Variants in LIPH observed in about 807,000 individuals in gnomAD.
LIPH encodes the protein lipase H.
LIPH carries 32 observed loss-of-function variants against 47.6 expected under a neutral mutation model. The observed-to-expected ratio is 0.67, with a 90% CI of 0.51 to 0.90. The LOEUF is 0.90. Ranked by LOEUF, LIPH falls within the 40% of genes least tolerant of loss-of-function variation. LIPH has a pLI of 0.00. For missense variants in LIPH, 497 were observed against 541.4 expected, an observed-to-expected ratio of 0.92 and a Z score of 0.81; for synonymous variants, 190 against 195.6, an observed-to-expected ratio of 0.97 and a Z score of 0.24.
At chr3:185,519,523 T>C (rs1336701457) in intron 5 of LIPH, among the ~76,000 whole-genome samples, 1 of 152,024 alleles carries the variant, frequency 6.6e-6, no homozygotes, top group Non-Finnish European at 1.5e-5. Context: ...TGGCAAGAAT[T>C]AGAGCAAATA....
At chr3:185,524,319 G>T (rs1362273173) in intron 4 of LIPH, among the ~76,000 whole-genome samples, 159 bp from the exon 5 acceptor site, 1 of 152,094 alleles carries the variant, frequency 6.6e-6, no homozygotes, top group Non-Finnish European at 1.5e-5. Context: ...CAGCTAGTTA[G>T]TTAGAAGGCA....
chr3:185,517,915 C>T (rs555750305), intron 6 of LIPH, among the ~76,000 whole-genome samples: 76 of 152,226 alleles, frequency 5.0e-4, no homozygotes, highest in African/African-American at 1.8e-3. Context: ...TGTACTAATC[C>T]CTAGCGAATA....
chr3:185,535,211 TAGG>T (rs1372754706), intron 1 of LIPH, 79 bp from the exon 2 acceptor site: 1 of 1,531,374 alleles, frequency 6.5e-7, no homozygotes, highest in East Asian at 2.2e-5. Context: ...TCTATATTTG[TAGG>T]AGTTCTTCTT....
chr3:185,536,639 A>T (rs1720510676), intron 1 of LIPH, among the ~76,000 whole-genome samples: 1 of 152,172 alleles, frequency 6.6e-6, no homozygotes, highest in South Asian at 2.1e-4. Context: ...GTGAAGTTTC[A>T]TAATAGAATC....
rs1553823343 is a variant in LIPH, at chr3:185,529,987, A to AGGGAGG, written c.527-2403_527-2402insCCTCCC. On this transcript the variant is annotated intron_variant, in intron 3 of 9. Coordinates refer to ENST00000296252, the MANE Select transcript of LIPH (RefSeq NM_139248.3). ...GAAGGAAAGAAAGAAAGAGAGAGAG[A>AGGGAGG]GAGAAAATAAGCAGTGCCTGGCGCG... Among the ~76,000 whole-genome samples the AGGGAGG allele has an allele frequency of 1.4e-3, 205 of 149,470 alleles. 2 individuals carry two copies. The highest frequency in any genetic ancestry group is 4.9e-3 in the African/African-American group (196 of 40,226).
chr3:185,515,516 T>C (rs917832018), intron 7 of LIPH, among the ~76,000 whole-genome samples: 2 of 141,396 alleles, frequency 1.4e-5, no homozygotes, highest in Non-Finnish European at 3.1e-5. Context: ...ATCTGCAGGC[T>C]TTTTTTTTTT....
At chr3:185,510,516 C>T (rs1577661285) in intron 9 of LIPH, among the ~76,000 whole-genome samples, 1 of 152,152 alleles carries the variant, frequency 6.6e-6, no homozygotes, top group Admixed American at 6.5e-5. Flanking sequence ...CTCCTTAATA[C>T]TTCATTGTAT....
At chr3:185,545,788 C>A (rs562259549) in intron 1 of LIPH, among the ~76,000 whole-genome samples, 2 of 152,266 alleles carry the variant, frequency 1.3e-5, no homozygotes, top group African/African-American at 4.8e-5. Context: ...TGTCCAACTC[C>A]ACTGCCTATT....
chr3:185,550,074 T>C (rs2148968021), intron 1 of LIPH, among the ~76,000 whole-genome samples: 1 of 152,304 alleles, frequency 6.6e-6, no homozygotes, highest in South Asian at 2.1e-4. Context: ...TTTCTGAAAC[T>C]GAATGACTTG....
At chr3:185,517,186 G>GT (rs1719754348) in intron 6 of LIPH, 24 bp from the exon 7 acceptor site, 4 of 1,278,656 alleles carry the variant, frequency 3.1e-6, no homozygotes, top group Non-Finnish European at 4.6e-6. Flanking sequence ...TTAAAAAATT[G>GT]TAAGATTAAT....
intron 5 of LIPH, among the ~76,000 whole-genome samples, chr3:185,521,191 A>G (rs757548987): frequency 3.3e-5 from 5 of 152,192 alleles, no homozygotes; most frequent in Admixed American, 6.5e-5. Context: ...TATCTTGAAT[A>G]GAATAACTTT....
At position 185,508,826 on chromosome 3, in the gene LIPH, G is replaced by C; in HGVS notation, c.1320C>G (p.Val440=). ...DLVLMENVET[V]FQPILCPELQ... is the part of the protein sequence containing the mutation. Reference sequence around the variant, plus strand: ...ACTCTGGGCAAAGAATAGGTTGGAAGACTGTTTCAACGTTTTCCATCAGGA... The same window carrying C: ...ACTCTGGGCAAAGAATAGGTTGGAACACTGTTTCAACGTTTTCCATCAGGA... Residue 440 remains valine (V), a synonymous_variant, in exon 10 of 10, where the codon GTC becomes GTG. Coordinates refer to ENST00000296252, the MANE Select transcript of LIPH (RefSeq NM_139248.3). 6.2e-7 allele frequency: 1 copy of C among 1,613,988 alleles called. No homozygotes were observed. The highest frequency in any genetic ancestry group is 8.5e-7 in the Non-Finnish European group (1 of 1,179,850).
Position 185,534,958 on chromosome 3 carries a change from A to G in LIPH, c.224T>C (p.Val75Ala), listed in dbSNP as rs1720458149. Residue 75 changes from valine (V) to alanine (A), a missense_variant, in exon 2 of 10, where the codon GTC (valine) becomes GCC (alanine). By Grantham distance (64) the Val-to-Ala change is moderately conservative. Transcript: ENST00000296252. ...GGAGCCTGTTGGCCTGAATCCATGG[A>G]CAATGAAGGTGGTTTTCTTGGTCAC... ...LNVTKKTTFI[V>A]HGFRPTGSPP... 2 of 1,614,008 alleles carry G rather than the reference A, an allele frequency of 1.2e-6. No homozygotes were observed. Among genetic ancestry groups the G allele is most frequent in the Admixed American group, 3.3e-5 (2 of 59,976 alleles).
At chr3:185,514,824 T>C (rs1719676657) in intron 7 of LIPH, among the ~76,000 whole-genome samples, 1 of 152,192 alleles carries the variant, frequency 6.6e-6, no homozygotes, top group Non-Finnish European at 1.5e-5. Flanking sequence ...TTCACATCAA[T>C]TCCTGCCCAT....
At position 185,515,792 on chromosome 3, in the gene LIPH, A is replaced by G. The variant is rs1286453976; in HGVS notation, c.983-1271T>C. Among the ~76,000 whole-genome samples, 3 of 152,136 alleles carry G rather than the reference A, an allele frequency of 2.0e-5. No individual in the cohort carries two copies. The East Asian group carries it at 5.8e-4, about 29-fold the overall frequency. The stretch of plus-strand genomic sequence containing the variant: ...GTGATCCGCCCGCCTTGGCCTCCCA[A>G]AATGCTGGGAATGCAGGCGTGAGCC... On this transcript the variant is annotated intron_variant, in intron 7 of 9. Transcript: ENST00000296252.
At chr3:185,533,724 G>A (rs377686360) in intron 2 of LIPH, 45 bp from the exon 3 acceptor site, 1 of 1,232,490 alleles carries the variant, frequency 8.1e-7, no homozygotes, top group Non-Finnish European at 1.2e-6. Context: ...AAGGGGCCAA[G>A]GAATTAACAT....
chr3:185,518,720 C>G (rs1719808968), intron 6 of LIPH, among the ~76,000 whole-genome samples: 1 of 150,746 alleles, frequency 6.6e-6, no homozygotes, highest in African/African-American at 2.4e-5. Flanking sequence ...AAATTTTAAC[C>G]TTTTATTTAT....
chr3:185,526,364 T>C (rs1480541792), intron 4 of LIPH, among the ~76,000 whole-genome samples: 1 of 150,950 alleles, frequency 6.6e-6, no homozygotes, highest in African/African-American at 2.4e-5. Flanking sequence ...CTAGTAAAAA[T>C]ACAAAAATTA....
chr3:185,511,532 A>G lies in LIPH; in HGVS notation c.1260T>C (p.His420=), dbSNP rs777063729. ...CCGTACCCTCAGCTCACCTCTCCGG[A>G]TGGGCAAGGGACCTTAACTTCATTC... ...ILRMKLRSLA[H]PERPQLCRYD... The change falls in exon 9 of 10, where the codon CAT becomes CAC. Residue 420 remains histidine, a synonymous_variant. Transcript: ENST00000296252. 3.7e-6 allele frequency: 6 copies of G among 1,614,122 alleles called. No individual in the cohort carries two copies. The Admixed American group carries it at 5.0e-5, about 13-fold the overall frequency.
Sources: allele counts gnomAD v4.1 joint callset (sites outside exome capture counted in the v4.1 genomes callset), GRCh38; gene constraint gnomAD v4.1.1; transcripts MANE v1.5; gene names NCBI Gene and HGNC (gene_info 2026-07-23, HGNC 2026-07-21).